ZCCHC7: variants seen among roughly 807,000 people sequenced by gnomAD.
ZCCHC7 encodes the protein zinc finger CCHC domain-containing protein 7.
Under a neutral mutation model 52.0 loss-of-function variants are expected in ZCCHC7, and 35 were observed. The ratio of observed to expected loss-of-function variants is 0.67; its 90% CI spans 0.51 to 0.89. The LOEUF (loss-of-function observed/expected upper bound fraction) is 0.89, where lower values mean the gene tolerates loss of function less well. ZCCHC7 is among the 40% of genes least tolerant of loss of function. The pLI, the probability that ZCCHC7 is intolerant of heterozygous loss-of-function variation, is 0.00. For missense variants in ZCCHC7, 574 were observed against 649.1 expected (o/e 0.88, Z 1.26); for synonymous variants, 217 against 221.5 (o/e 0.98, Z 0.18).
At chr9:37,166,099 T>C (rs1304871344) in intron 2 of ZCCHC7, among the ~76,000 whole-genome samples, 1 of 152,140 alleles carries the variant, frequency 6.6e-6, no homozygotes, top group Non-Finnish European at 1.5e-5. Flanking sequence ...ATTCCCTCAG[T>C]TATGTGTAGA....
intron 2 of ZCCHC7, among the ~76,000 whole-genome samples, chr9:37,140,993 T>A (rs1039667881): frequency 2.0e-5 from 3 of 151,972 alleles, no homozygotes; most frequent in African/African-American, 2.4e-5. Context: ...AGGAAAAAAA[T>A]TTAATGCTTA....
chr9:37,198,983 GC>G (rs1405330982), intron 2 of ZCCHC7, among the ~76,000 whole-genome samples: 1 of 152,148 alleles, frequency 6.6e-6, no homozygotes, highest in Non-Finnish European at 1.5e-5. Flanking sequence ...GAAACAGACT[GC>G]TTACCACCTG....
At chr9:37,333,621 C>CTT (rs995203855) in intron 6 of ZCCHC7, among the ~76,000 whole-genome samples, 1 of 151,386 alleles carries the variant, frequency 6.6e-6, no homozygotes, top group Non-Finnish European at 1.5e-5. Context: ...CACGTTTGCA[C>CTT]TTTTTTTTAT....
chr9:37,221,038 G>T (rs529182976), intron 2 of ZCCHC7, among the ~76,000 whole-genome samples: 1 of 152,166 alleles, frequency 6.6e-6, no homozygotes, highest in Non-Finnish European at 1.5e-5. Context: ...AGACAAACGC[G>T]GCGTTGCCTT....
chr9:37,134,161 G>C (rs1842905817), intron 2 of ZCCHC7, among the ~76,000 whole-genome samples: 1 of 151,896 alleles, frequency 6.6e-6, no homozygotes, highest in East Asian at 1.9e-4. Context: ...TTTTCTTACA[G>C]ATTATTTGAA....
At chr9:37,231,914 A>C (rs1022787095) in intron 2 of ZCCHC7, among the ~76,000 whole-genome samples, 9 of 152,326 alleles carry the variant, frequency 5.9e-5, no homozygotes, top group African/African-American at 1.4e-4. Context: ...TGTTATTCTT[A>C]GGATCTTTTC....
intron 5 of ZCCHC7, among the ~76,000 whole-genome samples, chr9:37,315,418 ATTG>A (rs1219678506): frequency 4.4e-5 from 6 of 135,870 alleles, no homozygotes; most frequent in Admixed American, 4.4e-4. Flanking sequence ...CATTCTACTA[ATTG>A]TTGACTTGAT....
chr9:37,244,903 A>T (rs1826019740), intron 2 of ZCCHC7, among the ~76,000 whole-genome samples: 1 of 151,990 alleles, frequency 6.6e-6, no homozygotes, highest in Non-Finnish European at 1.5e-5. Flanking sequence ...CTACCAAAAC[A>T]TGATAGATAT....
intron 2 of ZCCHC7, among the ~76,000 whole-genome samples, chr9:37,135,758 G>C (rs1324922912): frequency 6.6e-6 from 1 of 152,186 alleles, no homozygotes; most frequent in Non-Finnish European, 1.5e-5. Context: ...AATGGCTTTT[G>C]AAACTGAAGT....
At chr9:37,181,933 C>T (rs543290938) in intron 2 of ZCCHC7, among the ~76,000 whole-genome samples, 1 of 152,318 alleles carries the variant, frequency 6.6e-6, no homozygotes, top group African/African-American at 2.4e-5. Flanking sequence ...CATCCTCCCA[C>T]TTCAGCTTCC....
At chr9:37,318,232 G>A (rs767544639) in intron 5 of ZCCHC7, among the ~76,000 whole-genome samples, 24 of 151,924 alleles carry the variant, frequency 1.6e-4, no homozygotes, top group Non-Finnish European at 3.2e-4. Context: ...AAGGCCGGGC[G>A]CAGTGGATCA....
At chr9:37,140,728 T>C (rs1843183737) in intron 2 of ZCCHC7, among the ~76,000 whole-genome samples, 1 of 151,996 alleles carries the variant, frequency 6.6e-6, no homozygotes. Context: ...TAAACTGACT[T>C]TGGTGTATAA....
intron 5 of ZCCHC7, among the ~76,000 whole-genome samples, chr9:37,324,383 G>T (rs1457070497): frequency 6.6e-6 from 1 of 152,176 alleles, no homozygotes; most frequent in Non-Finnish European, 1.5e-5. Context: ...TGTATGTGAC[G>T]TGCATTCTGT....
intron 2 of ZCCHC7, among the ~76,000 whole-genome samples, chr9:37,154,606 C>T (rs78218640): frequency 6.6e-6 from 1 of 152,170 alleles, no homozygotes; most frequent in East Asian, 1.9e-4. Context: ...CCTTATCCCC[C>T]AAGAGGCTGG....
intron 2 of ZCCHC7, among the ~76,000 whole-genome samples, chr9:37,131,658 A>G (rs1356237463): frequency 6.6e-6 from 1 of 152,078 alleles, no homozygotes; most frequent in African/African-American, 2.4e-5. Context: ...AAAGAAAAAG[A>G]AAAAAAAGAA....
rs183470801 is a variant in ZCCHC7, at chr9:37,194,184, A to C, written c.610+67242A>C. Among the ~76,000 whole-genome samples the C allele has an allele frequency of 4.7e-4, 72 of 152,332 alleles. No homozygotes were observed. The East Asian group carries it at 0.013, about 28-fold the overall frequency. On this transcript the variant is annotated intron_variant, in intron 2 of 8. Coordinates refer to ENST00000336755, the MANE Select transcript of ZCCHC7 (RefSeq NM_032226.3). ...TTGCTATGCTAGGATAGTGGCCTTT[A>C]ATATATTAAAGAATATTTCTCTTTT... is the stretch of plus-strand genomic sequence containing the variant.
chr9:37,160,491 C>T (rs570900597), intron 2 of ZCCHC7, among the ~76,000 whole-genome samples: 3 of 152,208 alleles, frequency 2.0e-5, no homozygotes, highest in African/African-American at 7.2e-5. Context: ...GCACTCAAGC[C>T]TGGGCAACAG....
At chr9:37,214,868 C>A (rs974263761) in intron 2 of ZCCHC7, among the ~76,000 whole-genome samples, 1 of 151,954 alleles carries the variant, frequency 6.6e-6, no homozygotes, top group African/African-American at 2.4e-5. Flanking sequence ...TATTGAATAT[C>A]AGTTTTTGTG....
At chr9:37,311,391 T>C (rs1829593206) in intron 5 of ZCCHC7, among the ~76,000 whole-genome samples, 1 of 152,174 alleles carries the variant, frequency 6.6e-6, no homozygotes, top group Non-Finnish European at 1.5e-5. Flanking sequence ...TCATAGAACA[T>C]ATTTCACTTG....
Sources: gnomAD v4.1 joint callset for allele counts (sites outside exome capture counted in the v4.1 genomes callset) on GRCh38, gnomAD v4.1.1 for gene constraint, MANE v1.5 for transcripts, NCBI Gene and HGNC (gene_info 2026-07-23, HGNC 2026-07-21) for gene names.